The following CLVS1 variants were observed in gnomAD, a reference collection of about 807,000 sequenced individuals.
The protein encoded by CLVS1 is clavesin-1.
CLVS1 carries 10 observed loss-of-function variants against 33.1 expected under a neutral mutation model. That is an observed-to-expected ratio of 0.30 (90% confidence interval 0.19 to 0.51). The LOEUF (loss-of-function observed/expected upper bound fraction) is 0.51. Ranked by LOEUF, CLVS1 falls within the 20% of genes least tolerant of loss-of-function variation. The probability of loss-of-function intolerance (pLI) is 0.97; values close to 1 mark genes in which losing one functional copy is unlikely to be tolerated. For missense variants in CLVS1, 343 were observed against 433.4 expected (o/e 0.79, Z 1.85); for synonymous variants, 163 against 166.1 (o/e 0.98, Z 0.14).
chr8:61,336,500 C>T (rs897205543), intron 2 of CLVS1, among the ~76,000 whole-genome samples: 4 of 152,086 alleles, frequency 2.6e-5, no homozygotes, highest in Non-Finnish European at 5.9e-5. Flanking sequence ...AACCTCTGCC[C>T]GGCACCCTGG....
chr8:61,275,377 AT>A (rs1394994779), intron 2 of CLVS1, among the ~76,000 whole-genome samples: 2 of 152,092 alleles, frequency 1.3e-5, no homozygotes, highest in Admixed American at 1.3e-4. Flanking sequence ...GAGTTAAGTA[AT>A]TTATTCAAGG....
intron 3 of CLVS1, among the ~76,000 whole-genome samples, chr8:61,431,598 C>T (rs904681719): frequency 8.5e-5 from 13 of 152,144 alleles, no homozygotes; most frequent in Admixed American, 5.2e-4. Context: ...TCCAGGGTAG[C>T]GTGTTCTGGC....
At chr8:61,233,227 G>C (rs1026345869) in intron 2 of CLVS1, among the ~76,000 whole-genome samples, 1 of 152,186 alleles carries the variant, frequency 6.6e-6, no homozygotes, top group South Asian at 2.1e-4. Context: ...AGTTAAGCAA[G>C]AGTGTGTAAT....
At chr8:61,322,650 A>AGG (rs761021177) in intron 2 of CLVS1, among the ~76,000 whole-genome samples, 15 of 152,170 alleles carry the variant, frequency 9.9e-5, no homozygotes, top group Non-Finnish European at 2.1e-4. Flanking sequence ...ATGGAAAGAT[A>AGG]GGGCAGCTCT....
the CLVS1 span, among the ~76,000 whole-genome samples, chr8:61,010,269 G>A: frequency 2.0e-5 from 3 of 152,186 alleles, no homozygotes; most frequent in African/African-American, 4.8e-5. Flanking sequence ...AGGCAGACTC[G>A]TTTGTCTTTT....
intron 1 of CLVS1, among the ~76,000 whole-genome samples, chr8:61,293,582 G>A (rs949660099): frequency 6.6e-6 from 1 of 152,122 alleles, no homozygotes; most frequent in African/African-American, 2.4e-5. Flanking sequence ...ATGATTTTCA[G>A]TTTTGGCTTA....
chr8:61,185,911 C>T (rs191634073), intron 2 of CLVS1, among the ~76,000 whole-genome samples: 3 of 152,262 alleles, frequency 2.0e-5, no homozygotes, highest in Admixed American at 6.5e-5. Flanking sequence ...AAATGTTAGC[C>T]GTTGGTATTA....
At chr8:61,305,734 G>GTGTTT (rs1305852093) in intron 2 of CLVS1, among the ~76,000 whole-genome samples, 1 of 152,062 alleles carries the variant, frequency 6.6e-6, no homozygotes, top group Non-Finnish European at 1.5e-5. Flanking sequence ...AAAGGCCCCA[G>GTGTTT]TGTTTATTGT....
At chr8:61,086,733 G>A (rs1007684763) in intron 1 of CLVS1, among the ~76,000 whole-genome samples, 6 of 151,756 alleles carry the variant, frequency 4.0e-5, no homozygotes, top group Non-Finnish European at 8.8e-5. Flanking sequence ...TTAATTCTGT[G>A]TTATTTTCTA....
chr8:61,391,618 A>G (rs1215616203), intron 3 of CLVS1, among the ~76,000 whole-genome samples: 1 of 152,252 alleles, frequency 6.6e-6, no homozygotes, highest in Non-Finnish European at 1.5e-5. Flanking sequence ...GAAATAACCA[A>G]GAAGATTAAG....
the CLVS1 span, among the ~76,000 whole-genome samples, chr8:61,042,758 C>T: frequency 8.7e-4 from 133 of 152,210 alleles, no homozygotes; most frequent in African/African-American, 3.0e-3. Flanking sequence ...TGGAAGGGAA[C>T]AAGAATGAAG....
chr8:61,243,818 A>C (rs1300523598), intron 2 of CLVS1, among the ~76,000 whole-genome samples: 1 of 152,168 alleles, frequency 6.6e-6, no homozygotes, highest in African/African-American at 2.4e-5. Flanking sequence ...TATCTGTTTC[A>C]TTAATATCTG....
chr8:61,420,043 C>T (rs556498856), intron 3 of CLVS1, among the ~76,000 whole-genome samples: 3 of 152,192 alleles, frequency 2.0e-5, no homozygotes, highest in Non-Finnish European at 4.4e-5. Flanking sequence ...TATCTAATAT[C>T]TTTCAATAAC....
chr8:61,212,901 C>T (rs1808002212), intron 2 of CLVS1, among the ~76,000 whole-genome samples: 1 of 152,144 alleles, frequency 6.6e-6, no homozygotes, highest in Admixed American at 6.5e-5. Flanking sequence ...CCATCATCCT[C>T]TGGCAGTGCC....
chr8:61,481,885 G>T (rs1818208058), intron 5 of CLVS1, among the ~76,000 whole-genome samples: 1 of 152,220 alleles, frequency 6.6e-6, no homozygotes, highest in Admixed American at 6.5e-5. Context: ...ATCTGAGAGT[G>T]GACAGTCTGC....
chr8:61,407,877 A>C (rs1248501438), intron 3 of CLVS1, among the ~76,000 whole-genome samples: 1 of 152,234 alleles, frequency 6.6e-6, no homozygotes, highest in Non-Finnish European at 1.5e-5. Flanking sequence ...GTTTCAAAAG[A>C]CAACATTCAT....
chr8:61,139,089 G>A (rs1290395972), intron 2 of CLVS1, among the ~76,000 whole-genome samples: 1 of 152,254 alleles, frequency 6.6e-6, no homozygotes. Context: ...CAAAGGAGGC[G>A]AGTTGCTGCT....
chr8:61,373,649 A>AC (rs1462027650), intron 2 of CLVS1, among the ~76,000 whole-genome samples: 1 of 152,060 alleles, frequency 6.6e-6, no homozygotes, highest in Non-Finnish European at 1.5e-5. Flanking sequence ...CTCTCCCACA[A>AC]CCCCCAAAAG....
At chr8:61,250,186 A>G (rs1808904729) in intron 2 of CLVS1, among the ~76,000 whole-genome samples, 1 of 152,078 alleles carries the variant, frequency 6.6e-6, no homozygotes, top group African/African-American at 2.4e-5. Flanking sequence ...TCTTTTCCCC[A>G]TTGTTTGTTT....
Sources: gnomAD v4.1 joint callset for allele counts (sites outside exome capture counted in the v4.1 genomes callset) on GRCh38, gnomAD v4.1.1 for gene constraint, MANE v1.5 for transcripts, NCBI Gene and HGNC (gene_info 2026-07-23, HGNC 2026-07-21) for gene names.